Variants in FOXN3 observed in about 807,000 individuals in gnomAD.
FOXN3 encodes forkhead box N3.
A neutral mutation model predicts 38.4 loss-of-function variants in FOXN3; 7 were observed. The observed-to-expected ratio is 0.18, with a 90% CI of 0.10 to 0.34. The LOEUF (loss-of-function observed/expected upper bound fraction) is 0.34. Ranked by LOEUF, FOXN3 falls within the 10% of genes least tolerant of loss-of-function variation. The pLI, the probability that FOXN3 is intolerant of heterozygous loss-of-function variation, is 1.00. For missense variants in FOXN3, 456 were observed against 613.4 expected (o/e 0.74, Z 2.71); for synonymous variants, 230 against 242.2 (o/e 0.95, Z 0.47).
intron 1 of FOXN3, among the ~76,000 whole-genome samples, chr14:89,473,380 C>T (rs757768302): frequency 6.8e-5 from 10 of 147,912 alleles, no homozygotes; most frequent in South Asian, 2.1e-4. Context: ...TACTCCACAA[C>T]GCTTTTTTTT....
rs73323160 is a variant in FOXN3, at chr14:89,270,191, C to T, written c.745+10759G>A. On this transcript the variant is annotated intron_variant, in intron 4 of 5. Transcript: ENST00000557258. ...ATAGCCAGTCAGGACTCCTATTCCA[C>T]TCCTTCCATGGCCATCCTGTGGGTA... 7.4e-3 allele frequency among the ~76,000 whole-genome samples: 1,130 copies of T among 152,326 alleles called. 21 individuals are homozygous for T. Among genetic ancestry groups the T allele is most frequent in the African/African-American group, 0.025 (1,026 of 41,574 alleles).
intron 1 of FOXN3, among the ~76,000 whole-genome samples, chr14:89,482,415 G>A (rs932005227): frequency 6.6e-6 from 1 of 152,084 alleles, no homozygotes; most frequent in Non-Finnish European, 1.5e-5. Context: ...AAGCCCAGAA[G>A]TTTGAGACCA....
At chr14:89,244,810 G>T (rs973181237) in intron 4 of FOXN3, among the ~76,000 whole-genome samples, 3 of 152,202 alleles carry the variant, frequency 2.0e-5, no homozygotes, top group Non-Finnish European at 4.4e-5. Flanking sequence ...ATGATAAAAT[G>T]TTCAAGCTAG....
At chr14:89,567,740 TTA>T (rs1387818434) in intron 1 of FOXN3, among the ~76,000 whole-genome samples, 2 of 150,562 alleles carry the variant, frequency 1.3e-5, no homozygotes, top group Non-Finnish European at 3.0e-5. Flanking sequence ...TTTTTTTTTT[TTA>T]GACAGAGTCT....
Position 89,574,206 on chromosome 14 carries a change from A to AC in FOXN3, c.-15+44821dup, listed in dbSNP as rs535048877. 3.1e-3 allele frequency among the ~76,000 whole-genome samples: 477 copies of AC among 151,996 alleles called. 3 individuals are homozygous for AC. Among genetic ancestry groups the AC allele is most frequent in the African/African-American group, 0.011 (446 of 41,436 alleles). On this transcript the variant is annotated intron_variant, in intron 1 of 6. Transcript: ENST00000345097. ...AATAATTCACTCCACTCCAAAGCAG[A>AC]CCCCCACCTCTTCCTGGCTGAAAAG... is the stretch of plus-strand genomic sequence containing the variant.
upstream of FOXN3, among the ~76,000 whole-genome samples, chr14:89,421,061 ATAGTGGTTCCTTCTGAATGTTAGAGT>A (rs1891891400): frequency 1.3e-5 from 2 of 151,672 alleles, no homozygotes; most frequent in Admixed American, 1.3e-4. Flanking sequence ...AAAGGCTAAA[ATAGTGGTTCCTTCTGAATGTTAGAGT>A]TATGGGATAC....
chr14:89,364,892 T>G (rs1890091841), intron 2 of FOXN3, among the ~76,000 whole-genome samples: 1 of 152,210 alleles, frequency 6.6e-6, no homozygotes, highest in Non-Finnish European at 1.5e-5. Context: ...TGTAAATGCT[T>G]CTTCTGTAGT....
intron 1 of FOXN3, among the ~76,000 whole-genome samples, chr14:89,456,194 CAAAA>C (rs10550227): frequency 3.8e-5 from 4 of 105,842 alleles, no homozygotes; most frequent in Non-Finnish European, 5.6e-5. Flanking sequence ...ACTCAGTCTC[CAAAA>C]AAAAAAAAAA....
intron 4 of FOXN3, among the ~76,000 whole-genome samples, chr14:89,221,453 T>C (rs1010900704): frequency 6.6e-6 from 1 of 152,256 alleles, no homozygotes. Flanking sequence ...ATATTATATA[T>C]AACCTTTACC....
intron 1 of FOXN3, among the ~76,000 whole-genome samples, chr14:89,455,300 G>A (rs980536957): frequency 2.0e-5 from 3 of 152,214 alleles, no homozygotes; most frequent in East Asian, 1.9e-4. Context: ...GAAAAGCTCC[G>A]CTAGCATCAT....
chr14:89,437,580 A>G (rs1000905486), intron 1 of FOXN3, among the ~76,000 whole-genome samples: 14 of 152,188 alleles, frequency 9.2e-5, no homozygotes, highest in African/African-American at 1.4e-4. Context: ...ATTGACTGCT[A>G]TACTCCCACC....
intron 4 of FOXN3, among the ~76,000 whole-genome samples, chr14:89,250,738 C>T (rs758710116): frequency 4.6e-5 from 7 of 152,176 alleles, no homozygotes; most frequent in South Asian, 2.1e-4. Flanking sequence ...AATTCCCATG[C>T]GTTATGGGAG....
chr14:89,275,237 T>A (rs949266101), intron 4 of FOXN3, among the ~76,000 whole-genome samples: 1 of 152,180 alleles, frequency 6.6e-6, no homozygotes, highest in Admixed American at 6.6e-5. Context: ...TGGGGATGGG[T>A]ATCTTCAGCC....
chr14:89,233,914 T>C (rs78324657), intron 4 of FOXN3, among the ~76,000 whole-genome samples: 3,462 of 152,332 alleles, frequency 0.023, 135 homozygotes, highest in African/African-American at 0.079. Context: ...CATGTCACAA[T>C]TGGCTGTACA....
rs142527213 is a variant in FOXN3 at position 89,465,501 on chromosome 14, C to T, written c.-14-53011G>A. On this transcript the variant is annotated intron_variant, in intron 1 of 6. Coordinates refer to the FOXN3 transcript ENST00000345097. The stretch of plus-strand genomic sequence containing the variant: ...CCTCCCAAAGTGCTGGGATTACAGG[C>T]GTGAGCCACCGCGCCTAGCTTGAGT... Among the ~76,000 whole-genome samples, 1,380 of 152,302 alleles carry T rather than the reference C, an allele frequency of 9.1e-3. 29 individuals are homozygous for T. Among genetic ancestry groups the T allele is most frequent in the African/African-American group, 0.031 (1,300 of 41,562 alleles).
At chr14:89,342,486 T>C (rs1888645548) in intron 3 of FOXN3, among the ~76,000 whole-genome samples, 1 of 152,228 alleles carries the variant, frequency 6.6e-6, no homozygotes, top group Non-Finnish European at 1.5e-5. Flanking sequence ...AAAGACAACA[T>C]GATTTGATAT....
intron 2 of FOXN3, among the ~76,000 whole-genome samples, chr14:89,361,066 G>C (rs190541468): frequency 0.071 from 2 of 28 alleles, 1 homozygote; most frequent in Non-Finnish European, 0.5. Context: ...ACTACCTCCA[G>C]CACCACCTCC....
At chr14:89,264,440 T>C (rs1034465479) in intron 4 of FOXN3, among the ~76,000 whole-genome samples, 1 of 152,116 alleles carries the variant, frequency 6.6e-6, no homozygotes, top group African/African-American at 2.4e-5. Flanking sequence ...ACCCCCATGA[T>C]TCAATTATCT....
At chr14:89,532,619 C>T (rs1894592424) in intron 1 of FOXN3, among the ~76,000 whole-genome samples, 1 of 152,074 alleles carries the variant, frequency 6.6e-6, no homozygotes, top group Non-Finnish European at 1.5e-5. Context: ...TTTACTGTGG[C>T]AAAACAAAAA....
Sources: gnomAD v4.1 joint callset for allele counts (sites outside exome capture counted in the v4.1 genomes callset) on GRCh38, gnomAD v4.1.1 for gene constraint, MANE v1.5 for transcripts, NCBI Gene and HGNC (gene_info 2026-07-23, HGNC 2026-07-21) for gene names.